The following TNFRSF14 variants were observed in gnomAD, a reference collection of about 807,000 sequenced individuals.
The protein encoded by TNFRSF14 is tumor necrosis factor receptor superfamily member 14.
Under a neutral mutation model 34.1 loss-of-function variants are expected in TNFRSF14, and 18 were observed. The ratio of observed to expected loss-of-function variants is 0.53; its 90% CI spans 0.36 to 0.78. The LOEUF (loss-of-function observed/expected upper bound fraction) is 0.78, where lower values mean the gene tolerates loss of function less well. Ranked by LOEUF, TNFRSF14 falls within the 30% of genes least tolerant of loss-of-function variation. The pLI, the probability that TNFRSF14 is intolerant of heterozygous loss-of-function variation, is 0.00. For synonymous variants in TNFRSF14, 157 were observed against 153.2 expected (o/e 1.02, Z -0.18); for missense variants, 352 against 379.5 (o/e 0.93, Z 0.60).
At chr1:2,559,633 G>A (rs1483533884) in intron 3 of TNFRSF14, 190 bp from the exon 4 acceptor site, 13 of 1,534,646 alleles carry the variant, frequency 8.5e-6, no homozygotes, top group South Asian at 3.6e-5. Flanking sequence ...CAGCTCTGCC[G>A]TCCCTTGGTG....
At position 2,561,834 on chromosome 1, in the gene TNFRSF14, C is replaced by T. The variant is rs745749549; in HGVS notation, c.694+19C>T. On this transcript the variant is annotated intron_variant, in intron 6 of 7. Transcript: ENST00000355716. The surrounding 1 kb of genome is among the most constrained non-coding windows in gnomAD (Gnocchi z 6.0). ...CCAAGGGGTGAGCACACGGCGGCCCCATCAGGGCTCATGTCCCCAGCCGTC... is the reference window on the plus strand; with the variant it reads ...CCAAGGGGTGAGCACACGGCGGCCCTATCAGGGCTCATGTCCCCAGCCGTC... 3.7e-6 allele frequency: 6 copies of T among 1,609,458 alleles called. No homozygotes were observed. The Admixed American group carries it at 1.0e-4, about 27-fold the overall frequency.
At chr1:2,559,644 T>G in intron 3 of TNFRSF14, 179 bp from the exon 4 acceptor site, 1 of 1,534,938 alleles carries the variant, frequency 6.5e-7, no homozygotes, top group South Asian at 1.2e-5. Context: ...TCCCTTGGTG[T>G]CCCTCCCGGC....
chr1:2,558,635 C>T (rs1350221716), intron 3 of TNFRSF14, 167 bp downstream of exon 3: 1 of 1,342,016 alleles, frequency 7.5e-7, no homozygotes, highest in Non-Finnish European at 1.0e-6. Flanking sequence ...GCCTTGAGGT[C>T]AGCCTCCGGC....
intron 6 of TNFRSF14, chr1:2,562,057 C>G: frequency 1.7e-6 from 1 of 584,664 alleles, no homozygotes; most frequent in South Asian, 2.0e-5. Flanking sequence ...CACCCCTGCC[C>G]ACGCACTCTA....
At chr1:2,560,844 T>C in intron 5 of TNFRSF14, 130 bp downstream of exon 5, 1 of 775,516 alleles carries the variant, frequency 1.3e-6, no homozygotes, top group Non-Finnish European at 2.1e-6. Flanking sequence ...CCTGGTCACA[T>C]GCCTGCGTCC....
chr1:2,559,278 A>G, intron 3 of TNFRSF14: 1 of 1,367,308 alleles, frequency 7.3e-7, no homozygotes, highest in East Asian at 3.4e-5. Context: ...CCCTCTTGTG[A>G]AAGCACCTGT....
chr1:2,557,764 C>G lies in TNFRSF14; in HGVS notation c.108C>G (p.Ala36=). 2.5e-6 allele frequency: 4 copies of G among 1,611,792 alleles called. No individual in the cohort carries two copies. Among genetic ancestry groups the G allele is most frequent in the Non-Finnish European group, 3.4e-6 (4 of 1,179,038 alleles). Residue 36 remains alanine (A), a synonymous_variant, in exon 2 of 8, where the codon GCC becomes GCG. Transcript: ENST00000355716. The part of the protein sequence containing the change: ...YLTFLGAPCY[A]PALPSCKEDE... ...CCTTCCTGGGAGCCCCCTGCTACGCCCCAGCTCTGCCGTCCTGCAAGGAGG... is the reference window on the plus strand; with the variant it reads ...CCTTCCTGGGAGCCCCCTGCTACGCGCCAGCTCTGCCGTCCTGCAAGGAGG...
intron 1 of TNFRSF14, 125 bp from the exon 2 acceptor site, chr1:2,557,601 T>A: frequency 1.5e-6 from 1 of 683,246 alleles, no homozygotes; most frequent in Non-Finnish European, 2.3e-6. Flanking sequence ...CCCGCTTCTG[T>A]CCTCTCTACC....
In TNFRSF14 at chr1:2,558,295, G is replaced by A. The variant is rs202098226; in HGVS notation, c.179-48G>A. ...CGGGTGGAGTGATGGGTGGGCTCCC[G>A]AAGGGGCCTCCCGCAGACTTGCGAA... On this transcript the variant is annotated intron_variant, in intron 2 of 7. Transcript: ENST00000355716. 693 of 1,565,418 alleles carry A rather than the reference G, an allele frequency of 4.4e-4. No individual in the cohort carries two copies. The African/African-American group carries it at 8.2e-3, about 18-fold the overall frequency.
At chr1:2,559,539 C>T (rs1179524575) in intron 3 of TNFRSF14, 11 of 1,508,284 alleles carry the variant, frequency 7.3e-6, no homozygotes, top group Admixed American at 2.0e-5. Context: ...GCAAGCTCGG[C>T]GTCCTGCCCA....
At chr1:2,559,253 A>G (rs1417161201) in intron 3 of TNFRSF14, 11 of 1,369,086 alleles carry the variant, frequency 8.0e-6, no homozygotes, top group Non-Finnish European at 1.1e-5. Context: ...CTGCATGCCC[A>G]GTTCCATGCC....
At position 2,561,824 on chromosome 1, in the gene TNFRSF14, AC is replaced by A. The variant is rs1644314231; in HGVS notation, c.694+10del. ...AAGAAGAAAGCCAAGGGGTGAGCAC[AC>A]GGCGGCCCCATCAGGGCTCATGTCC... is the stretch of plus-strand genomic sequence containing the variant. On this transcript the variant is annotated intron_variant, in intron 6 of 7. Transcript: ENST00000355716. The surrounding 1 kb of genome is among the most constrained non-coding windows in gnomAD (Gnocchi z 6.0). 11 of 1,612,408 alleles carry A rather than the reference AC, an allele frequency of 6.8e-6. No individual in the cohort carries two copies. The highest frequency in any genetic ancestry group is 9.3e-6 in the Non-Finnish European group (11 of 1,179,394).
At chr1:2,562,706 T>C in intron 6 of TNFRSF14, 159 bp from the exon 7 acceptor site, 1 of 940,748 alleles carries the variant, frequency 1.1e-6, no homozygotes, top group Non-Finnish European at 1.7e-6. Context: ...CCAACACAGT[T>C]GGCCTCCTCT....
At chr1:2,562,098 G>T (rs1437354840) in intron 6 of TNFRSF14, 2 of 506,184 alleles carry the variant, frequency 4.0e-6, no homozygotes, top group Non-Finnish European at 7.0e-6. Context: ...CCCCCTGTGG[G>T]ATGTGGGGAG....
chr1:2,556,973 T>A, intron 1 of TNFRSF14: 1 of 471,074 alleles, frequency 2.1e-6, no homozygotes, highest in Admixed American at 3.7e-5. Context: ...TGTCCCCCAC[T>A]CACCACTCCG....
intron 4 of TNFRSF14, 111 bp from the exon 5 acceptor site, chr1:2,560,513 A>T: frequency 1.3e-6 from 1 of 743,586 alleles, no homozygotes; most frequent in Admixed American, 2.8e-5. Context: ...TGGTCCTCCC[A>T]TCACCCGTAG....
rs1644304233 is a variant in TNFRSF14, at chr1:2,561,264, C to T, written c.552-409C>T. The stretch of plus-strand genomic sequence containing the variant: ...TTCCATCCTGCTCTGCCCTCCTCGT[C>T]CTCTGGCCCCAGCTCAGTCCTGTCC... On this transcript the variant is annotated intron_variant, in intron 5 of 7. Transcript: ENST00000355716. The surrounding 1 kb of genome is among the most constrained non-coding windows in gnomAD (Gnocchi z 6.0). 4.0e-6 allele frequency: 2 copies of T among 505,608 alleles called. No individual in the cohort carries two copies. The highest frequency in any genetic ancestry group is 3.5e-6 in the Non-Finnish European group (1 of 286,008). 31.3% of individuals were successfully genotyped at this position (505,608 alleles called of 1,614,324 possible).
At chr1:2,557,882 A>G in intron 2 of TNFRSF14, 48 bp downstream of exon 2, 1 of 1,455,272 alleles carries the variant, frequency 6.9e-7, no homozygotes, top group Middle Eastern at 2.3e-4. Context: ...GAGGGCAGAC[A>G]CTCTTGCCCC....
In TNFRSF14 at chr1:2,562,855, T is replaced by C. The variant is rs371994239; in HGVS notation, c.695-10T>C. On this transcript the variant is annotated splice_polypyrimidine_tract_variant and intron_variant, in intron 6 of 7. Coordinates refer to ENST00000355716, the MANE Select transcript of TNFRSF14 (RefSeq NM_003820.4). ...TGCCCCTCCCTGACCTGTGTGTCTG[T>C]GTATTGCAGGTGATGTAGTCAAGGT... 3.6e-5 allele frequency: 58 copies of C among 1,613,912 alleles called. No homozygotes were observed. The African/African-American group carries it at 7.2e-4, about 20-fold the overall frequency.
Sources: gnomAD v4.1 joint callset for allele counts on GRCh38, gnomAD v4.1.1 for gene constraint, Gnocchi (gnomAD v3.1) non-coding constraint, MANE v1.5 for transcripts, NCBI Gene and HGNC (gene_info 2026-07-23, HGNC 2026-07-21) for gene names.